The following NTRK2 variants were observed in gnomAD, a reference collection of about 807,000 sequenced individuals.
The protein encoded by NTRK2 is neurotrophic receptor tyrosine kinase 2.
A neutral mutation model predicts 94.5 loss-of-function variants in NTRK2; 13 were observed. The ratio of observed to expected loss-of-function variants is 0.14; its 90% confidence interval spans 0.09 to 0.22. The LOEUF (loss-of-function observed/expected upper bound fraction) is 0.22, where lower values mean the gene tolerates loss of function less well. Among genes scored for constraint, NTRK2 ranks in the 10% least tolerant of loss-of-function variants. The probability of loss-of-function intolerance (pLI) is 1.00; values close to 1 mark genes in which losing one functional copy is unlikely to be tolerated. For synonymous variants in NTRK2, 372 were observed against 407.4 expected, an observed-to-expected ratio of 0.91 and a Z score of 1.05; for missense variants, 639 against 1,071.2, an observed-to-expected ratio of 0.60 and a Z score of 5.63.
intron 14 of NTRK2, among the ~76,000 whole-genome samples, chr9:84,911,021 T>C (rs2077221466): frequency 6.6e-6 from 1 of 152,204 alleles, no homozygotes; most frequent in Non-Finnish European, 1.5e-5. Flanking sequence ...AGTTGTCTAA[T>C]CCATGAACAT....
chr9:84,678,301 G>A (rs1027418549), intron 2 of NTRK2, among the ~76,000 whole-genome samples: 5 of 152,294 alleles, frequency 3.3e-5, no homozygotes, highest in Middle Eastern at 3.4e-3. Flanking sequence ...CATTGACCCT[G>A]TTAGCCGACC....
chr9:84,699,768 C>G (rs1192053201), intron 2 of NTRK2, among the ~76,000 whole-genome samples: 2 of 140,506 alleles, frequency 1.4e-5, no homozygotes, highest in Admixed American at 7.1e-5. Context: ...TGTTTTTTTT[C>G]TTTTTTTTCC....
chr9:84,891,213 G>T (rs1481318993), intron 14 of NTRK2, among the ~76,000 whole-genome samples: 1 of 151,942 alleles, frequency 6.6e-6, no homozygotes, highest in Non-Finnish European at 1.5e-5. Context: ...TCACGTCATG[G>T]AGGACTCAAG....
intron 17 of NTRK2, among the ~76,000 whole-genome samples, chr9:85,001,270 T>C (rs991080014): frequency 1.1e-4 from 16 of 152,200 alleles, no homozygotes; most frequent in African/African-American, 3.9e-4. Flanking sequence ...CTGTTGTCAC[T>C]ATTTCTCCAT....
At chr9:84,843,683 G>A (rs896756093) in intron 12 of NTRK2, among the ~76,000 whole-genome samples, 8 of 152,222 alleles carry the variant, frequency 5.3e-5, no homozygotes, top group African/African-American at 1.9e-4. Flanking sequence ...TCAGCCCTGT[G>A]CAGACCTGCT....
intron 12 of NTRK2, among the ~76,000 whole-genome samples, chr9:84,770,904 C>T (rs952882676): frequency 8.5e-5 from 13 of 152,164 alleles, no homozygotes; most frequent in African/African-American, 2.7e-4. Flanking sequence ...TTCCAACCTC[C>T]CTGCTAACTC....
chr9:84,815,190 A>G, intron 12 of NTRK2: 1 of 1,057,094 alleles, frequency 9.5e-7, no homozygotes, highest in Non-Finnish European at 1.1e-6. Context: ...TGGTGAGGTA[A>G]CTCTAAGTTG....
intron 17 of NTRK2, among the ~76,000 whole-genome samples, chr9:84,984,528 AC>A (rs1828060969): frequency 6.6e-6 from 1 of 152,168 alleles, no homozygotes; most frequent in South Asian, 2.1e-4. Flanking sequence ...AGGTTCTGCC[AC>A]AGTTTCTGAT....
At chr9:84,976,418 A>T (rs143533114) in intron 17 of NTRK2, among the ~76,000 whole-genome samples, 2 of 152,312 alleles carry the variant, frequency 1.3e-5, no homozygotes, top group African/African-American at 4.8e-5. Flanking sequence ...ATGCAGTTGC[A>T]TGAGGAGTGA....
chr9:84,851,852 G>A (rs2074789051), intron 12 of NTRK2, among the ~76,000 whole-genome samples: 1 of 152,126 alleles, frequency 6.6e-6, no homozygotes, highest in South Asian at 2.1e-4. Context: ...TACAACAAAT[G>A]TTGGTCTAGA....
intron 14 of NTRK2, among the ~76,000 whole-genome samples, chr9:84,922,533 G>A (rs2077601874): frequency 6.6e-6 from 1 of 152,114 alleles, no homozygotes; most frequent in Non-Finnish European, 1.5e-5. Flanking sequence ...AGACTGTGTG[G>A]GCTTTGAAGC....
intron 17 of NTRK2, among the ~76,000 whole-genome samples, chr9:85,015,491 A>G (rs1402992008): frequency 6.6e-6 from 1 of 152,216 alleles, no homozygotes; most frequent in African/African-American, 2.4e-5. Flanking sequence ...GATCTGTTTC[A>G]AGGAACACAT....
chr9:84,832,504 A>C (rs1286910922), intron 12 of NTRK2, among the ~76,000 whole-genome samples: 1 of 152,214 alleles, frequency 6.6e-6, no homozygotes, highest in African/African-American at 2.4e-5. Flanking sequence ...GGATAAAAGC[A>C]GAGACGGAGG....
chr9:84,991,481 C>G (rs1829059893), intron 17 of NTRK2, among the ~76,000 whole-genome samples: 1 of 152,182 alleles, frequency 6.6e-6, no homozygotes, highest in Non-Finnish European at 1.5e-5. Flanking sequence ...GGTGCATCCC[C>G]TGGTCGGTTC....
chr9:84,712,162 C>G (rs1325625268), intron 6 of NTRK2, among the ~76,000 whole-genome samples: 1 of 152,156 alleles, frequency 6.6e-6, no homozygotes, highest in African/African-American at 2.4e-5. Context: ...GCATCTGACT[C>G]TTGCTCTGAT....
intron 12 of NTRK2, 145 bp downstream of exon 12, chr9:84,752,230 A>G: frequency 1.4e-6 from 1 of 713,888 alleles, no homozygotes; most frequent in South Asian, 1.5e-5. Flanking sequence ...CTTTGATACT[A>G]CAAATCAAGA....
chr9:84,926,833 T>C (rs2077838970), intron 14 of NTRK2, among the ~76,000 whole-genome samples: 1 of 152,252 alleles, frequency 6.6e-6, no homozygotes, highest in African/African-American at 2.4e-5. Context: ...CAAAGCATTC[T>C]TGAGTATGCC....
intron 17 of NTRK2, among the ~76,000 whole-genome samples, chr9:84,979,978 C>T (rs1283501520): frequency 6.6e-6 from 1 of 152,212 alleles, no homozygotes; most frequent in Non-Finnish European, 1.5e-5. Context: ...TAATAAACCA[C>T]AGTATGTTGT....
intron 17 of NTRK2, among the ~76,000 whole-genome samples, chr9:84,994,868 C>T (rs1256878516): frequency 2.6e-5 from 4 of 152,132 alleles, no homozygotes; most frequent in Non-Finnish European, 2.9e-5. Flanking sequence ...AGTTCCTGCC[C>T]AATGTGTGTT....
Sources: gnomAD v4.1 joint callset for allele counts (sites outside exome capture counted in the v4.1 genomes callset) on GRCh38, gnomAD v4.1.1 for gene constraint, MANE v1.5 for transcripts, NCBI Gene and HGNC (gene_info 2026-07-23, HGNC 2026-07-21) for gene names.